SLC45A4: variants seen among roughly 807,000 people sequenced by gnomAD.
SLC45A4 encodes the protein polyamine-transporter SLC45A4.
A neutral mutation model predicts 63.7 loss-of-function variants in SLC45A4; 32 were observed. That is an observed-to-expected ratio of 0.50 (90% CI 0.38 to 0.67). The LOEUF is 0.67. Ranked by LOEUF, SLC45A4 falls within the 30% of genes least tolerant of loss-of-function variation. The probability of loss-of-function intolerance (pLI) is 0.00; values close to 1 mark genes in which losing one functional copy is unlikely to be tolerated. For missense variants in SLC45A4, 1,027 were observed against 1,157.7 expected, an observed-to-expected ratio of 0.89 and a Z score of 1.64; for synonymous variants, 535 against 510.0, an observed-to-expected ratio of 1.05 and a Z score of -0.66.
intron 4 of SLC45A4, 90 bp from the exon 5 acceptor site, chr8:141,219,119 C>G: frequency 1.4e-6 from 2 of 1,435,200 alleles, no homozygotes; most frequent in Non-Finnish European, 1.9e-6. Context: ...TAACAGGGGG[C>G]CGGGGCTGCC....
chr8:141,283,186 G>A (rs1026748634), intron 1 of SLC45A4, among the ~76,000 whole-genome samples: 9 of 152,206 alleles, frequency 5.9e-5, no homozygotes, highest in African/African-American at 2.2e-4. Context: ...CTCAAGTCCT[G>A]AGCTAGATGC....
intron 2 of SLC45A4, chr8:141,228,268 G>C: frequency 6.2e-7 from 1 of 1,613,650 alleles, no homozygotes; most frequent in Non-Finnish European, 8.5e-7. Flanking sequence ...TTTCCCCATA[G>C]ATGATGCTGT....
chr8:141,246,581 T>A (rs543708987), intron 2 of SLC45A4, among the ~76,000 whole-genome samples: 3 of 152,264 alleles, frequency 2.0e-5, no homozygotes, highest in Admixed American at 2.0e-4. Context: ...GCTGCCATAT[T>A]CTATTGGTTA....
At chr8:141,225,503 A>C (rs1380267713) in intron 2 of SLC45A4, 1 of 153,116 alleles carries the variant, frequency 6.5e-6, no homozygotes, top group African/African-American at 2.4e-5. Context: ...TTCTGCCCCA[A>C]GCGCTGGCTG....
At chr8:141,222,843 G>A (rs1472151485) in intron 2 of SLC45A4, among the ~76,000 whole-genome samples, 3 of 152,264 alleles carry the variant, frequency 2.0e-5, no homozygotes, top group Non-Finnish European at 4.4e-5. Flanking sequence ...GCAGGGGGCA[G>A]TGGCTGAAGC....
chr8:141,276,849 G>C (rs967008926), intron 1 of SLC45A4, among the ~76,000 whole-genome samples: 1 of 152,210 alleles, frequency 6.6e-6, no homozygotes, highest in South Asian at 2.1e-4. Flanking sequence ...CCCAGACAGC[G>C]CTGGGCTTCC....
intron 2 of SLC45A4, among the ~76,000 whole-genome samples, chr8:141,249,351 A>G (rs948635558): frequency 6.6e-6 from 1 of 152,250 alleles, no homozygotes; most frequent in Non-Finnish European, 1.5e-5. Flanking sequence ...ATGAAAACAA[A>G]TGATGGCAGG....
intron 1 of SLC45A4, among the ~76,000 whole-genome samples, chr8:141,288,924 C>T (rs1275512245): frequency 6.6e-6 from 1 of 152,258 alleles, no homozygotes; most frequent in Non-Finnish European, 1.5e-5. Flanking sequence ...ACTTGGGGAG[C>T]AGTCTGGACT....
rs767888041 is a variant in SLC45A4 at position 141,218,504 on chromosome 8, T to C, written c.1136A>G (p.Asn379Ser). The C allele has an allele frequency of 3.6e-5, 58 of 1,613,362 alleles. 1 individual carries two copies. Among genetic ancestry groups the C allele is most frequent in the East Asian group, 2.2e-5 (1 of 44,882 alleles). Residue 379 changes from asparagine to serine, a missense_variant, in exon 5 of 9, where the codon AAT (asparagine) becomes AGT (serine). Physicochemically the swap from Asn to Ser is conservative, Grantham distance 46 (BLOSUM62 1). Transcript: ENST00000517878. ...ACTTCCGTTTGGGACTTTAGCTTCA[T>C]TCAAGTGATTATCCAGCAAGGTCTC... ...EDETLLDNHL[N>S]EAKVPNGSGS...
rs1412929059 is a variant in SLC45A4, at chr8:141,254,094, G to A, written c.136C>T (p.Arg46Ter). Residue 46 changes from arginine to a stop codon, truncating the protein, a stop_gained, in exon 2 of 9, where the codon CGA becomes TGA. Transcript: ENST00000517878. LOFTEE classifies it high-confidence loss of function. This position sits in a 1 kb window ranked among gnomAD's most constrained non-coding sequence, Gnocchi z 4.5. ...CETISEGSID[R>*]IPMRLWVMHG... ...ATCACCCACAGGCGCATGGGGATTCGGTCTATGGACCCCTCGCTGATGGTC... is the reference window on the plus strand; with the variant it reads ...ATCACCCACAGGCGCATGGGGATTCAGTCTATGGACCCCTCGCTGATGGTC... 5 of 1,536,024 alleles carry A rather than the reference G, an allele frequency of 3.3e-6. No homozygotes were observed. The highest frequency in any genetic ancestry group is 8.7e-7 in the Non-Finnish European group (1 of 1,146,916).
intron 1 of SLC45A4, among the ~76,000 whole-genome samples, chr8:141,268,058 C>T (rs1829350842): frequency 6.6e-6 from 1 of 152,206 alleles, no homozygotes; most frequent in Non-Finnish European, 1.5e-5. Flanking sequence ...TTGGAAGCAA[C>T]CAAGACGTCC....
intron 1 of SLC45A4, among the ~76,000 whole-genome samples, chr8:141,303,421 C>T (rs937902681): frequency 6.8e-6 from 1 of 148,012 alleles, no homozygotes; most frequent in Non-Finnish European, 1.5e-5. Context: ...ATTGCAGGAA[C>T]GAGCCTCTGT....
rs886349098 is a variant in SLC45A4, at chr8:141,278,259, TG to T, written c.-400-23631del. On this transcript the variant is annotated intron_variant, in intron 1 of 8. Transcript: ENST00000517878. The surrounding 1 kb of genome is among the most constrained non-coding windows in gnomAD (Gnocchi z 4.1). ...GGCTGAGGCCACACTCGTGAGGCAG[TG>T]GGTTTCCCCGATGGGATCTCGGTGC... 1 of 152,266 alleles carries T rather than the reference TG, an allele frequency of 6.6e-6. No homozygotes were observed. The highest frequency in any genetic ancestry group is 2.4e-5 in the African/African-American group (1 of 41,424). The allele number at this position is 152,266 out of a possible 1,614,324, so 9.4% of individuals were successfully genotyped here.
chr8:141,228,305 C>T, intron 2 of SLC45A4: 1 of 1,607,850 alleles, frequency 6.2e-7, no homozygotes, highest in Non-Finnish European at 8.5e-7. Context: ...CAGGCACCTC[C>T]CAGCAACTCC....
At chr8:141,231,433 C>T (rs1231109104) in intron 2 of SLC45A4, among the ~76,000 whole-genome samples, 2 of 152,186 alleles carry the variant, frequency 1.3e-5, no homozygotes, top group African/African-American at 2.4e-5. Context: ...GCTAAGTCCC[C>T]GAGGTCAAAG....
chr8:141,257,111 C>G (rs183184019), intron 1 of SLC45A4, among the ~76,000 whole-genome samples: 13 of 152,296 alleles, frequency 8.5e-5, no homozygotes, highest in African/African-American at 3.1e-4. Flanking sequence ...TTCGGCCTCC[C>G]AAAGTGCTGG....
chr8:141,302,813 C>T (rs1033045455), intron 1 of SLC45A4, among the ~76,000 whole-genome samples: 3 of 152,132 alleles, frequency 2.0e-5, no homozygotes, highest in Admixed American at 2.0e-4. Context: ...TCATCTCCAG[C>T]GTGGAGATGT....
chr8:141,262,505 TCAAA>T (rs1249716831), intron 1 of SLC45A4, among the ~76,000 whole-genome samples: 1 of 151,214 alleles, frequency 6.6e-6, no homozygotes, highest in African/African-American at 2.4e-5. Context: ...TACAATGAAC[TCAAA>T]CAAATTTACA....
At chr8:141,272,550 G>A (rs1829581250) in intron 1 of SLC45A4, among the ~76,000 whole-genome samples, 1 of 152,194 alleles carries the variant, frequency 6.6e-6, no homozygotes, top group African/African-American at 2.4e-5. Flanking sequence ...AGTCAGACCA[G>A]CCATTCCTCA....
Sources: allele counts gnomAD v4.1 joint callset (sites outside exome capture counted in the v4.1 genomes callset), GRCh38; gene constraint gnomAD v4.1.1; non-coding constraint Gnocchi (gnomAD v3.1); transcripts MANE v1.5; gene names NCBI Gene and HGNC (gene_info 2026-07-23, HGNC 2026-07-21).